The following KIF9 variants were observed in gnomAD, a reference collection of about 807,000 sequenced individuals.
KIF9 encodes the protein kinesin family member 9.
A neutral mutation model predicts 94.8 loss-of-function variants in KIF9; 68 were observed. The observed-to-expected ratio is 0.72, with a 90% confidence interval of 0.59 to 0.88. The LOEUF (loss-of-function observed/expected upper bound fraction) is 0.88. Ranked by LOEUF, KIF9 falls within the 40% of genes least tolerant of loss-of-function variation. KIF9 has a pLI of 0.00. For synonymous variants in KIF9, 343 were observed against 362.1 expected (o/e 0.95, Z 0.60); for missense variants, 882 against 982.5 (o/e 0.90, Z 1.37).
chr3:47,277,122 AGTGT>A, intron 2 of KIF9, 156 bp downstream of exon 2: 1 of 429,114 alleles, frequency 2.3e-6, no homozygotes, highest in South Asian at 7.7e-5. Flanking sequence ...CTTCATTAGC[AGTGT>A]GTGAGGGGGT....
rs1490743403 is a variant in KIF9 at position 47,265,975 on chromosome 3, G to C, written c.769-98C>G. 2.2e-6 allele frequency: 3 copies of C among 1,350,004 alleles called. No individual in the cohort carries two copies. In the Admixed American group the frequency reaches 5.6e-5, roughly 25 times the overall value. The allele number at this position is 1,350,004 out of a possible 1,614,324, so 83.6% of individuals were successfully genotyped here. On this transcript the variant is annotated intron_variant, in intron 7 of 20. Transcript: ENST00000684063. ...GTCTGGAGAAATGCTATAAGTCTGT[G>C]GTCAGGTCAGCGCCTCCTTCCCAGA... is the stretch of plus-strand genomic sequence containing the variant.
chr3:47,277,475 G>C, intron 1 of KIF9, 96 bp from the exon 2 acceptor site: 1 of 816,342 alleles, frequency 1.2e-6, no homozygotes, highest in Non-Finnish European at 2.0e-6. Context: ...AAAGAGTGAC[G>C]AGCAGTCCAT....
intron 17 of KIF9, chr3:47,240,065 T>G: frequency 1.7e-6 from 1 of 604,216 alleles, no homozygotes. Flanking sequence ...GCTGAGGGGC[T>G]GGGAATCTGC....
At chr3:47,231,303 G>A (rs1436643245) in intron 20 of KIF9, among the ~76,000 whole-genome samples, 3 of 150,764 alleles carry the variant, frequency 2.0e-5, no homozygotes, top group Non-Finnish European at 4.4e-5. Flanking sequence ...CTAAGGTAAA[G>A]CCTCTAAGTG....
chr3:47,280,993 G>C (rs190009349), intron 1 of KIF9: 3 of 703,056 alleles, frequency 4.3e-6, no homozygotes, highest in Admixed American at 2.0e-5. Flanking sequence ...CTTCATTTGA[G>C]TGGGTTTCAG....
At chr3:47,277,596 C>T (rs1210569584) in intron 1 of KIF9, among the ~76,000 whole-genome samples, 1 of 152,158 alleles carries the variant, frequency 6.6e-6, no homozygotes, top group Non-Finnish European at 1.5e-5. Flanking sequence ...TCACAGACTG[C>T]TTTGCCATTT....
In KIF9 at chr3:47,273,577, C is replaced by T. The variant is rs527756896; in HGVS notation, c.341G>A (p.Gly114Glu). Residue 114 changes from glycine (G) to glutamate (E), a missense_variant, in exon 4 of 21, where the codon GGG becomes GAG. Physicochemically the swap from Gly to Glu is moderately conservative, Grantham distance 98 (BLOSUM62 -2). Coordinates refer to ENST00000684063, the MANE Select transcript of KIF9 (RefSeq NM_182902.4). ...CTGCTGCAGGGCACGAGGGAGGATC[C>T]CCCGGTGCTTGTAATTCTCAGTTGC... ...MGATENYKHR[G>E]ILPRALQQVF... 7 of 1,611,402 alleles carry T rather than the reference C, an allele frequency of 4.3e-6. No homozygotes were observed. The Admixed American group carries it at 1.2e-4, about 27-fold the overall frequency.
In KIF9 at chr3:47,267,283, T is replaced by C. The variant is rs1282023136; in HGVS notation, c.592-20A>G. 4.4e-6 allele frequency: 7 copies of C among 1,575,542 alleles called. No homozygotes were observed. Among genetic ancestry groups the C allele is most frequent in the Admixed American group, 1.7e-5 (1 of 59,898 alleles). ...CTCACCCTGAAGAGGAAGGGAATCA[T>C]AGGCAACATTTCGAAAAACTAAAAC... On this transcript the variant is annotated intron_variant, in intron 5 of 20. Coordinates refer to ENST00000684063, the MANE Select transcript of KIF9 (RefSeq NM_182902.4).
Position 47,267,174 on chromosome 3 carries a change from A to T in KIF9, c.675+6T>A, listed in dbSNP as rs1322226987. ...CGCCTGGGCTGATCAAAGAGCTTGCACCTACCTCTAAGTAGATGGTGAAAA... is the reference window on the plus strand; with the variant it reads ...CGCCTGGGCTGATCAAAGAGCTTGCTCCTACCTCTAAGTAGATGGTGAAAA... On this transcript the variant is annotated splice_donor_region_variant and intron_variant, in intron 6 of 20. Transcript: ENST00000684063. 6.2e-7 allele frequency: 1 copy of T among 1,611,258 alleles called. No individual in the cohort carries two copies. The highest frequency in any genetic ancestry group is 8.5e-7 in the Non-Finnish European group (1 of 1,177,426).
intron 15 of KIF9, 143 bp from the exon 16 acceptor site, chr3:47,243,388 G>C: frequency 1.8e-6 from 1 of 570,358 alleles, no homozygotes; most frequent in East Asian, 3.0e-5. Flanking sequence ...CTAGGTAAAA[G>C]CGCAAATAGT....
At chr3:47,278,071 A>G (rs1404843848) in intron 1 of KIF9, among the ~76,000 whole-genome samples, 1 of 151,776 alleles carries the variant, frequency 6.6e-6, no homozygotes, top group East Asian at 1.9e-4. Flanking sequence ...GGACATATAT[A>G]CATACATTTT....
chr3:47,272,947 C>T (rs957230125), intron 4 of KIF9, among the ~76,000 whole-genome samples: 1 of 152,218 alleles, frequency 6.6e-6, no homozygotes, highest in East Asian at 1.9e-4. Flanking sequence ...TAGGACAGGG[C>T]TGTAAAGCTG....
intron 17 of KIF9, among the ~76,000 whole-genome samples, chr3:47,237,926 A>G (rs1699156792): frequency 6.6e-6 from 1 of 152,134 alleles, no homozygotes; most frequent in Admixed American, 6.6e-5. Flanking sequence ...TGATGTGATT[A>G]TTTGGATAAG....
intron 5 of KIF9, among the ~76,000 whole-genome samples, chr3:47,268,902 AGTC>A (rs1701458637): frequency 6.6e-6 from 1 of 151,882 alleles, no homozygotes; most frequent in African/African-American, 2.4e-5. Context: ...TTTACTCTTC[AGTC>A]CCCCTTCTGA....
At chr3:47,281,102 T>C (rs919939770) in intron 1 of KIF9, 6 of 689,604 alleles carry the variant, frequency 8.7e-6, no homozygotes, top group South Asian at 4.6e-5. Flanking sequence ...CAGCACAGAG[T>C]AGGTATTCAG....
At chr3:47,244,675 A>G in intron 15 of KIF9, 116 bp downstream of exon 15, 1 of 1,331,906 alleles carries the variant, frequency 7.5e-7, no homozygotes, top group Non-Finnish European at 1.1e-6. Context: ...AGTGACGTCC[A>G]TTGTGCCAAC....
intron 1 of KIF9, among the ~76,000 whole-genome samples, chr3:47,280,235 T>C (rs1203797085): frequency 6.6e-6 from 1 of 152,144 alleles, no homozygotes; most frequent in Non-Finnish European, 1.5e-5. Flanking sequence ...TTCTAAAGCT[T>C]GGGGAACCGG....
intron 3 of KIF9, among the ~76,000 whole-genome samples, chr3:47,273,861 G>GTGGTC (rs1701799957): frequency 6.6e-6 from 1 of 152,244 alleles, no homozygotes; most frequent in Non-Finnish European, 1.5e-5. Flanking sequence ...AAGGACATCT[G>GTGGTC]CCCTGAATCT....
Position 47,240,937 on chromosome 3 carries a change from G to T in KIF9, c.1788C>A (p.Phe596Leu). The T allele has an allele frequency of 6.2e-7, 1 of 1,614,142 alleles. No individual in the cohort carries two copies. Among genetic ancestry groups the T allele is most frequent in the Non-Finnish European group, 8.5e-7 (1 of 1,180,020 alleles). The change falls in exon 17 of 21, where the codon TTC (phenylalanine) becomes TTA (leucine). Residue 596 changes from phenylalanine to leucine, a missense_variant. Transcript: ENST00000684063. Reference sequence around the variant, plus strand: ...CATTCAAGATGGATTTGTTTTCTTTGAAAATTCGGTTGATCTCACTACCTT... The same window carrying T: ...CATTCAAGATGGATTTGTTTTCTTTTAAAATTCGGTTGATCTCACTACCTT... ...NEQGSEINRI[F>L]KENKSILNER...
Sources: gnomAD v4.1 joint callset for allele counts (sites outside exome capture counted in the v4.1 genomes callset) on GRCh38, gnomAD v4.1.1 for gene constraint, MANE v1.5 for transcripts, NCBI Gene and HGNC (gene_info 2026-07-23, HGNC 2026-07-21) for gene names.